Variants in PRAC2 observed in about 807,000 individuals in gnomAD.
The protein encoded by PRAC2 is protein PRAC2.
For missense variants in PRAC2, 92 were observed against 114.5 expected (o/e 0.80, Z 0.90); for synonymous variants, 43 against 49.5 (o/e 0.87, Z 0.55).
At chr17:48,720,054 C>A (rs1478053852), upstream of PRAC2, among the ~76,000 whole-genome samples, 3 of 152,098 alleles carry the variant, frequency 2.0e-5, no homozygotes, top group Non-Finnish European at 4.4e-5. Flanking sequence ...CGGGCGGGGG[C>A]GACGGGCTGG....
chr17:48,723,083 G>A (rs1167802362), upstream of PRAC2: 1 of 152,320 alleles, frequency 6.6e-6, no homozygotes, highest in Non-Finnish European at 1.5e-5. Context: ...GGCTGGCATC[G>A]GTTCCTCATT....
chr17:48,723,373 G>A, intron 1 of PRAC2, 60 bp downstream of exon 1: 1 of 261,360 alleles, frequency 3.8e-6, no homozygotes, highest in East Asian at 7.1e-5. Context: ...TAGACAGGAC[G>A]GGTTGGGGCC....
chr17:48,723,615 C>T, intron 1 of PRAC2: 2 of 926,142 alleles, frequency 2.2e-6, no homozygotes, highest in Non-Finnish European at 1.4e-6. Flanking sequence ...GAGTAGGGAT[C>T]GCCTGCAGGG....
chr17:48,722,499 C>T (rs377501304), upstream of PRAC2: 13 of 935,884 alleles, frequency 1.4e-5, no homozygotes, highest in African/African-American at 1.4e-4. Context: ...GTTTGCACGC[C>T]TTAGGCTAGG....
upstream of PRAC2, among the ~76,000 whole-genome samples, chr17:48,719,239 A>ACACACACG (rs1191271739): frequency 2.9e-5 from 4 of 136,612 alleles, no homozygotes; most frequent in Admixed American, 7.1e-5. Flanking sequence ...ACACACACAC[A>ACACACACG]CACACGCACA....
chr17:48,722,001 G>A (rs924251857), upstream of PRAC2: 4 of 1,283,942 alleles, frequency 3.1e-6, no homozygotes, highest in Non-Finnish European at 4.2e-6. Context: ...CAAACATTAA[G>A]TCTTATGGCA....
At chr17:48,721,745 T>C, upstream of PRAC2, 2 of 1,428,910 alleles carry the variant, frequency 1.4e-6, no homozygotes, top group South Asian at 1.6e-5. Flanking sequence ...AATTTTATTG[T>C]ATAAATAGAG....
At chr17:48,724,025 ATGTGTGTGCCTC>A (rs2143052165) in intron 1 of PRAC2, among the ~76,000 whole-genome samples, 1 of 152,284 alleles carries the variant, frequency 6.6e-6, no homozygotes, top group South Asian at 2.1e-4. Context: ...TCCGGAGTAT[ATGTGTGTGCCTC>A]TGCGTTTATT....
chr17:48,719,261 T>C (rs1360552996), upstream of PRAC2, among the ~76,000 whole-genome samples: 1 of 149,416 alleles, frequency 6.7e-6, no homozygotes, highest in Non-Finnish European at 1.5e-5. Context: ...GCAGCACTAC[T>C]ACCGTCTGAG....
chr17:48,720,971 C>G (rs2038139597), upstream of PRAC2, among the ~76,000 whole-genome samples: 1 of 152,048 alleles, frequency 6.6e-6, no homozygotes. Context: ...AGTAACTTAC[C>G]CTCTTAGTTT....
intron 1 of PRAC2, chr17:48,723,901 C>A: frequency 1.5e-6 from 1 of 662,258 alleles, no homozygotes; most frequent in East Asian, 3.4e-5. Flanking sequence ...GATCCCATTT[C>A]GTAGCTTGCT....
In PRAC2 at chr17:48,724,526, C is replaced by T. The variant is rs1952833153; in HGVS notation, c.116C>T (p.Ala39Val). The T allele has an allele frequency of 1.6e-6, 2 of 1,233,136 alleles. No homozygotes were observed. The highest frequency in any genetic ancestry group is 3.1e-5 in the African/African-American group (2 of 64,416). The allele number at this position is 1,233,136 out of a possible 1,614,324, so 76.4% of individuals were successfully genotyped here. A position where few individuals can be genotyped will look rare whatever the true frequency, so the allele number is the denominator to read the frequency against. ...GCCTTCTTCCTGGGTCTCTCGGGGG[C>T]TGGACCAATACATCTGCCGATGCCC... The part of the protein sequence containing the change: ...LLAFFLGLSG[A>V]GPIHLPMPWP... The change falls in exon 2 of 2, where the codon GCT becomes GTT. Residue 39 changes from alanine (A) to valine (V), a missense_variant. Ala to Val is a moderately conservative substitution (Grantham distance 64). Coordinates refer to ENST00000422730, the MANE Select transcript of PRAC2 (RefSeq NM_001282275.2).
At chr17:48,719,143 C>A (rs1426270678), upstream of PRAC2, among the ~76,000 whole-genome samples, 1 of 151,994 alleles carries the variant, frequency 6.6e-6, no homozygotes, top group Non-Finnish European at 1.5e-5. Flanking sequence ...ACCCGGAGAT[C>A]GAGTGTTTGA....
chr17:48,722,292 C>A (rs748010346), upstream of PRAC2: 4 of 1,590,272 alleles, frequency 2.5e-6, no homozygotes, highest in Non-Finnish European at 3.5e-6. Flanking sequence ...CCGTCGATAA[C>A]GCCCTTGGCC....
upstream of PRAC2, among the ~76,000 whole-genome samples, chr17:48,720,044 C>CG (rs1380296484): frequency 3.7e-4 from 56 of 152,294 alleles, no homozygotes; most frequent in African/African-American, 1.3e-3. Context: ...ACGCAGGTCT[C>CG]GGGCGGGGGC....
At chr17:48,722,022 C>A, upstream of PRAC2, 2 of 1,133,420 alleles carry the variant, frequency 1.8e-6, no homozygotes, top group Non-Finnish European at 2.4e-6. Flanking sequence ...GACCTTACAG[C>A]GGGTGCTAGT....
intron 1 of PRAC2, 37 bp downstream of exon 1, chr17:48,723,350 C>A (rs891636310): frequency 1.1e-4 from 27 of 238,846 alleles, no homozygotes; most frequent in African/African-American, 5.8e-4. Flanking sequence ...GGTTGCAGCT[C>A]GGGGATTTCT....
upstream of PRAC2, among the ~76,000 whole-genome samples, chr17:48,719,917 T>C (rs1318988274): frequency 6.6e-6 from 1 of 152,154 alleles, no homozygotes. Flanking sequence ...CCTCCGCGTC[T>C]CGGCCTGGCT....
chr17:48,720,533 C>T (rs182341382), upstream of PRAC2, among the ~76,000 whole-genome samples: 1 of 152,176 alleles, frequency 6.6e-6, no homozygotes. Context: ...GTCATTTGGT[C>T]ATGGAATAAA....
Sources: allele counts gnomAD v4.1 joint callset (sites outside exome capture counted in the v4.1 genomes callset), GRCh38; gene constraint gnomAD v4.1.1; transcripts MANE v1.5; gene names NCBI Gene and HGNC (gene_info 2026-07-23, HGNC 2026-07-21).